The following ASTN2 variants were observed in gnomAD, a reference collection of about 807,000 sequenced individuals.
ASTN2 encodes the protein astrotactin-2.
A neutral mutation model predicts 139.8 loss-of-function variants in ASTN2; 54 were observed. The ratio of observed to expected loss-of-function variants is 0.39; its 90% CI spans 0.31 to 0.48. ASTN2 has a LOEUF of 0.48. Among genes scored for constraint, ASTN2 ranks in the 20% least tolerant of loss-of-function variants. The pLI, the probability that ASTN2 is intolerant of heterozygous loss-of-function variation, is 0.95. For missense variants in ASTN2, 1,565 were observed against 1,725.1 expected, an observed-to-expected ratio of 0.91 and a Z score of 1.64; for synonymous variants, 756 against 719.5, an observed-to-expected ratio of 1.05 and a Z score of -0.81.
At chr9:116,540,260 A>C (rs1422520351) in intron 19 of ASTN2, among the ~76,000 whole-genome samples, 1 of 152,190 alleles carries the variant, frequency 6.6e-6, no homozygotes, top group Non-Finnish European at 1.5e-5. Flanking sequence ...ATCATTTATT[A>C]TTAGATCCTG....
intron 5 of ASTN2, among the ~76,000 whole-genome samples, chr9:117,061,201 A>T (rs1054723372): frequency 2.0e-5 from 3 of 151,568 alleles, no homozygotes; most frequent in Non-Finnish European, 2.9e-5. Context: ...GAATGCCAAG[A>T]ATTGCAGGGG....
chr9:116,835,271 T>C (rs1416760721), intron 11 of ASTN2, among the ~76,000 whole-genome samples: 2 of 152,120 alleles, frequency 1.3e-5, no homozygotes, highest in Non-Finnish European at 2.9e-5. Flanking sequence ...TCCTATACAT[T>C]GTGACTTACT....
chr9:117,008,962 C>T (rs570298866), intron 6 of ASTN2, among the ~76,000 whole-genome samples: 2 of 152,132 alleles, frequency 1.3e-5, no homozygotes, highest in South Asian at 4.2e-4. Context: ...AAAGAAATCC[C>T]CAGCACCTCT....
At chr9:116,600,323 C>CAAAAAAAAA (rs35224783) in intron 19 of ASTN2, among the ~76,000 whole-genome samples, 9 of 118,934 alleles carry the variant, frequency 7.6e-5, no homozygotes, top group Non-Finnish European at 1.0e-4. Flanking sequence ...GACCCTGTCT[C>CAAAAAAAAA]AAAAAAAAAA....
At chr9:116,529,935 A>G (rs1851250477) in intron 19 of ASTN2, among the ~76,000 whole-genome samples, 1 of 151,706 alleles carries the variant, frequency 6.6e-6, no homozygotes, top group East Asian at 1.9e-4. Flanking sequence ...AGTTCTTTAT[A>G]GCAGTGTGTA....
rs145692676 is a variant in ASTN2 at position 116,559,367 on chromosome 9, T to C, written c.3355+58957A>G. On this transcript the variant is annotated intron_variant, in intron 19 of 22. Transcript: ENST00000313400. ...AACAAACATATGCTGAATACATCTC[T>C]ATGCAGAGTCCTATGCTTCTGGTGC... Among the ~76,000 whole-genome samples the C allele has an allele frequency of 1.0e-3, 152 of 152,372 alleles. 1 individual carries two copies. The South Asian group carries it at 0.017, about 17-fold the overall frequency.
At chr9:117,273,144 A>G (rs530123688) in intron 2 of ASTN2, among the ~76,000 whole-genome samples, 10 of 152,180 alleles carry the variant, frequency 6.6e-5, no homozygotes, top group Non-Finnish European at 1.5e-4. Flanking sequence ...GGCACTTCTT[A>G]CATGGCAGTG....
Position 117,177,047 on chromosome 9 carries a change from T to C in ASTN2, c.1016-35569A>G, listed in dbSNP as rs141401583. Among the ~76,000 whole-genome samples, 29 of 152,342 alleles carry C rather than the reference T, an allele frequency of 1.9e-4. 1 individual carries two copies. Among genetic ancestry groups the C allele is most frequent in the African/African-American group, 6.7e-4 (28 of 41,578 alleles). On this transcript the variant is annotated intron_variant, in intron 3 of 22. Coordinates refer to ENST00000313400, the MANE Select transcript of ASTN2 (RefSeq NM_001365068.1). ...GAAAACTTGTTATAGTATTCAGATG[T>C]CTAAAAAGTTTAAAATAACCATCTG...
Position 117,214,405 on chromosome 9 carries a change from T to C in ASTN2, c.968A>G (p.Asp323Gly), listed in dbSNP as rs1293931640. The change falls in exon 3 of 23, where the codon GAC becomes GGC. Residue 323 changes from aspartate to glycine, a missense_variant. Physicochemically the swap from Asp to Gly is moderately conservative, Grantham distance 94. Around this residue, in one of 4 missense-constraint regions of ASTN2, gnomAD observed 596 missense variants for 576.8 expected, o/e 1.03. Coordinates refer to ENST00000313400, the MANE Select transcript of ASTN2 (RefSeq NM_001365068.1). ...EFGSQVTHTL[D>G]SLGHPGEEKV... The stretch of plus-strand genomic sequence containing the variant: ...CTCTTCCCCTGGATGTCCCAGACTG[T>C]CCAGAGTGTGGGTCACCTGGCTGCC... 8.1e-6 allele frequency: 13 copies of C among 1,613,762 alleles called. No homozygotes were observed. Among genetic ancestry groups the C allele is most frequent in the Non-Finnish European group, 1.1e-5 (13 of 1,179,662 alleles).
intron 19 of ASTN2, among the ~76,000 whole-genome samples, chr9:116,505,147 G>C (rs1850053430): frequency 6.6e-6 from 1 of 151,598 alleles, no homozygotes; most frequent in South Asian, 2.1e-4. Flanking sequence ...TAGCACATCA[G>C]AGAACCCTAC....
At chr9:117,238,997 G>T (rs894242361) in intron 2 of ASTN2, among the ~76,000 whole-genome samples, 1 of 152,178 alleles carries the variant, frequency 6.6e-6, no homozygotes, top group African/African-American at 2.4e-5. Context: ...CAGCCAGGCA[G>T]CATGTTCTTC....
intron 4 of ASTN2, among the ~76,000 whole-genome samples, chr9:117,140,668 G>T (rs1166831564): frequency 6.6e-6 from 1 of 151,580 alleles, no homozygotes; most frequent in East Asian, 2.0e-4. Context: ...GAGGAGAGAA[G>T]AGAAGAGAAG....
chr9:116,964,256 T>TGTGCGCGCGCGCGC (rs1491183340), intron 10 of ASTN2, among the ~76,000 whole-genome samples: 5 of 98,868 alleles, frequency 5.1e-5, no homozygotes, highest in African/African-American at 1.6e-4. Context: ...TGTGTGTGTG[T>TGTGCGCGCGCGCGC]GCGCGCGCGC....
chr9:117,052,345 C>T (rs963961300), intron 5 of ASTN2, among the ~76,000 whole-genome samples: 4 of 145,556 alleles, frequency 2.7e-5, no homozygotes, highest in Non-Finnish European at 5.9e-5. Context: ...GAGCCTGAGG[C>T]AGGAGAATGG....
chr9:117,290,729 T>C (rs1443346184), intron 2 of ASTN2, among the ~76,000 whole-genome samples: 2 of 152,338 alleles, frequency 1.3e-5, no homozygotes, highest in South Asian at 4.1e-4. Context: ...TCAAGAGTAG[T>C]TCCATCATTC....
chr9:116,620,059 A>G (rs1442629410), intron 18 of ASTN2, among the ~76,000 whole-genome samples: 1 of 152,146 alleles, frequency 6.6e-6, no homozygotes, highest in Non-Finnish European at 1.5e-5. Flanking sequence ...GGTTGCCTGA[A>G]GGAAGAAATG....
chr9:117,198,531 C>T (rs1468011325), intron 3 of ASTN2, among the ~76,000 whole-genome samples: 1 of 152,108 alleles, frequency 6.6e-6, no homozygotes, highest in Non-Finnish European at 1.5e-5. Flanking sequence ...TTTCTTTATC[C>T]AGTGTATCAT....
chr9:116,963,160 T>C, intron 10 of ASTN2, among the ~76,000 whole-genome samples: 1 of 152,176 alleles, frequency 6.6e-6, no homozygotes, highest in Non-Finnish European at 1.5e-5. Context: ...AGCATGAACA[T>C]AGCAATGAGG....
intron 3 of ASTN2, among the ~76,000 whole-genome samples, chr9:117,173,967 C>G (rs1830855006): frequency 8.7e-6 from 1 of 114,636 alleles, no homozygotes. Context: ...AAAACAGAAA[C>G]CAAAACCAAG....
Sources: allele counts gnomAD v4.1 joint callset (sites outside exome capture counted in the v4.1 genomes callset), GRCh38; gene constraint gnomAD v4.1.1; regional missense constraint gnomAD v4.1.1; transcripts MANE v1.5; gene names NCBI Gene and HGNC (gene_info 2026-07-23, HGNC 2026-07-21).